GRIA1: variants seen among roughly 807,000 people sequenced by gnomAD.
The protein encoded by GRIA1 is glutamate receptor 1.
A neutral mutation model predicts 99.2 loss-of-function variants in GRIA1; 31 were observed. The ratio of observed to expected loss-of-function variants is 0.31; its 90% CI spans 0.23 to 0.42. GRIA1 has a LOEUF of 0.42. GRIA1 is among the 10% of genes least tolerant of loss of function. GRIA1 has a pLI of 1.00. For synonymous variants in GRIA1, 438 were observed against 432.4 expected, an observed-to-expected ratio of 1.01 and a Z score of -0.16; for missense variants, 782 against 1,157.5, an observed-to-expected ratio of 0.68 and a Z score of 4.71.
At chr5:153,747,439 A>G (rs1367373651) in intron 11 of GRIA1, among the ~76,000 whole-genome samples, 2 of 152,170 alleles carry the variant, frequency 1.3e-5, no homozygotes, top group Non-Finnish European at 2.9e-5. Flanking sequence ...ACCTTTCAAC[A>G]TGAGATTTGG....
intron 11 of GRIA1, among the ~76,000 whole-genome samples, chr5:153,739,950 T>A (rs184886969): frequency 6.6e-6 from 1 of 152,350 alleles, no homozygotes; most frequent in Admixed American, 6.5e-5. Context: ...GCCATTTCCA[T>A]TATGATTTAT....
intron 4 of GRIA1, among the ~76,000 whole-genome samples, chr5:153,652,146 G>T (rs1754620071): frequency 6.6e-6 from 1 of 152,086 alleles, no homozygotes; most frequent in Non-Finnish European, 1.5e-5. Context: ...CCAGCTTCTT[G>T]AGTCACTTTC....
intron 5 of GRIA1, among the ~76,000 whole-genome samples, chr5:153,671,556 G>A (rs991679901): frequency 9.9e-5 from 15 of 152,156 alleles, no homozygotes; most frequent in African/African-American, 3.6e-4. Context: ...AGCTACATCT[G>A]TGAAACTGTA....
At chr5:153,738,086 C>G (rs1024304029) in intron 11 of GRIA1, among the ~76,000 whole-genome samples, 1 of 152,222 alleles carries the variant, frequency 6.6e-6, no homozygotes, top group Non-Finnish European at 1.5e-5. Context: ...GACTAAGAAA[C>G]AGAGACACAG....
chr5:153,685,167 C>T (rs941665253), intron 7 of GRIA1, among the ~76,000 whole-genome samples: 6 of 152,226 alleles, frequency 3.9e-5, no homozygotes, highest in Non-Finnish European at 8.8e-5. Flanking sequence ...AGACACCTCA[C>T]CTCACTGGCC....
chr5:153,678,530 A>C (rs373347145), intron 7 of GRIA1, among the ~76,000 whole-genome samples: 1 of 152,170 alleles, frequency 6.6e-6, no homozygotes, highest in African/African-American at 2.4e-5. Flanking sequence ...GGCAGCTTGC[A>C]GGGGAAAATT....
At chr5:153,527,727 T>C (rs780840837) in intron 2 of GRIA1, among the ~76,000 whole-genome samples, 14 of 152,360 alleles carry the variant, frequency 9.2e-5, no homozygotes, top group Middle Eastern at 6.8e-3. Context: ...CAATGTTCAC[T>C]TTCTGCATAA....
At chr5:153,576,986 G>A (rs867892397) in intron 2 of GRIA1, among the ~76,000 whole-genome samples, 78 of 109,908 alleles carry the variant, frequency 7.1e-4, no homozygotes, top group Admixed American at 1.9e-3. Flanking sequence ...GGATGGATGG[G>A]TGAGTGGATG....
chr5:153,520,031 A>G (rs544059524), intron 2 of GRIA1, among the ~76,000 whole-genome samples: 2 of 152,144 alleles, frequency 1.3e-5, no homozygotes, highest in Non-Finnish European at 2.9e-5. Context: ...ATGGCCTGTT[A>G]GGTTCGTAGT....
chr5:153,491,116 G>A (rs1470915004), intron 1 of GRIA1, 146 bp downstream of exon 1: 1 of 1,019,362 alleles, frequency 9.8e-7, no homozygotes, highest in Non-Finnish European at 1.5e-6. Context: ...GGAGACTTGG[G>A]CTTACAGCCA....
chr5:153,809,251 C>A, intron 15 of GRIA1, among the ~76,000 whole-genome samples: 1 of 152,070 alleles, frequency 6.6e-6, no homozygotes. Context: ...TTACATTTCC[C>A]TGGTGTAGCT....
At chr5:153,494,089 A>G (rs17515380) in intron 2 of GRIA1, 24 bp downstream of exon 2, 318,624 of 1,610,476 alleles carry the variant, frequency 0.2, 33,385 homozygotes, top group Middle Eastern at 0.27. Context: ...TCTATTTCTG[A>G]GATGTCTTTC....
intron 2 of GRIA1, among the ~76,000 whole-genome samples, chr5:153,575,616 C>T (rs1286555325): frequency 2.0e-5 from 3 of 152,176 alleles, no homozygotes; most frequent in Admixed American, 6.5e-5. Flanking sequence ...CCAGAGTCAC[C>T]TGCCTTCCCA....
At chr5:153,622,161 T>A (rs1274511169) in intron 2 of GRIA1, among the ~76,000 whole-genome samples, 1 of 152,174 alleles carries the variant, frequency 6.6e-6, no homozygotes, top group African/African-American at 2.4e-5. Flanking sequence ...GAATCAGAAA[T>A]CCTGGAGGTG....
At chr5:153,706,101 G>T (rs993192115) in intron 11 of GRIA1, 34 bp downstream of exon 11, 4 of 1,246,684 alleles carry the variant, frequency 3.2e-6, no homozygotes, top group Non-Finnish European at 4.4e-6. Flanking sequence ...TTTGCCTAAT[G>T]CTATGGTTTT....
chr5:153,786,248 T>C (rs1416896544), intron 13 of GRIA1, among the ~76,000 whole-genome samples: 1 of 152,042 alleles, frequency 6.6e-6, no homozygotes, highest in Non-Finnish European at 1.5e-5. Context: ...AGGAAGTTCA[T>C]GATTAGGACT....
chr5:153,723,533 C>A (rs1760241935), intron 11 of GRIA1, among the ~76,000 whole-genome samples: 1 of 152,216 alleles, frequency 6.6e-6, no homozygotes, highest in African/African-American at 2.4e-5. Context: ...TCAGGTCACT[C>A]CCGCCCTAAT....
intron 2 of GRIA1, among the ~76,000 whole-genome samples, chr5:153,640,423 C>A (rs1753704345): frequency 6.6e-6 from 1 of 152,228 alleles, no homozygotes; most frequent in Non-Finnish European, 1.5e-5. Context: ...CCGGGCAAGG[C>A]CCTTGGCAAC....
chr5:153,551,959 T>C (rs1375750560), intron 2 of GRIA1, among the ~76,000 whole-genome samples: 1 of 152,112 alleles, frequency 6.6e-6, no homozygotes, highest in South Asian at 2.1e-4. Flanking sequence ...AAGCCCCCCC[T>C]CATCCTCTCC....
Sources: allele counts gnomAD v4.1 joint callset (sites outside exome capture counted in the v4.1 genomes callset), GRCh38; gene constraint gnomAD v4.1.1; transcripts MANE v1.5; gene names NCBI Gene and HGNC (gene_info 2026-07-23, HGNC 2026-07-21).